Variants in CELF2 observed in about 807,000 individuals in gnomAD.
CELF2 encodes the protein CUGBP Elav-like family member 2.
In CELF2, 8 loss-of-function variants were observed where a neutral mutation model predicts 62.6. The ratio of observed to expected loss-of-function variants is 0.13; its 90% CI spans 0.07 to 0.23. The LOEUF (loss-of-function observed/expected upper bound fraction) is 0.23, where lower values mean the gene tolerates loss of function less well. CELF2 is among the 10% of genes least tolerant of loss of function. The probability of loss-of-function intolerance (pLI) is 1.00; values close to 1 mark genes in which losing one functional copy is unlikely to be tolerated. For synonymous variants in CELF2, 258 were observed against 250.0 expected (o/e 1.03, Z -0.30); for missense variants, 333 against 671.0 (o/e 0.50, Z 5.56).
intron 11 of CELF2, among the ~76,000 whole-genome samples, chr10:11,323,199 C>G (rs1239997362): frequency 6.6e-6 from 1 of 151,992 alleles, no homozygotes; most frequent in Non-Finnish European, 1.5e-5. Context: ...TAAAATTGCC[C>G]AAAATAACCA....
chr10:11,210,992 G>A (rs2061648331), intron 2 of CELF2, among the ~76,000 whole-genome samples: 1 of 152,190 alleles, frequency 6.6e-6, no homozygotes, highest in Non-Finnish European at 1.5e-5. Flanking sequence ...TTTTAAAACT[G>A]CGTCAGCCAT....
chr10:10,914,828 T>C (rs1386000240), intron 1 of CELF2, among the ~76,000 whole-genome samples: 2 of 152,276 alleles, frequency 1.3e-5, no homozygotes, highest in African/African-American at 4.8e-5. Flanking sequence ...CTTGTTTTCA[T>C]TCAATTTTTA....
chr10:11,134,103 C>G (rs1000115980), intron 1 of CELF2, among the ~76,000 whole-genome samples: 6 of 152,156 alleles, frequency 3.9e-5, no homozygotes, highest in African/African-American at 9.7e-5. Flanking sequence ...TAATTATACT[C>G]TTCTAAAGAG....
chr10:11,295,014 AAG>A (rs2092993356), intron 9 of CELF2, among the ~76,000 whole-genome samples: 1 of 152,218 alleles, frequency 6.6e-6, no homozygotes, highest in Non-Finnish European at 1.5e-5. Flanking sequence ...CTGCAGTAGA[AAG>A]AGCACTGACC....
At chr10:10,546,786 T>A in the CELF2 span, among the ~76,000 whole-genome samples, 2 of 152,238 alleles carry the variant, frequency 1.3e-5, no homozygotes, top group East Asian at 1.9e-4. Flanking sequence ...CTTTTTTTTT[T>A]TCTTTTTTTC....
intron 2 of CELF2, among the ~76,000 whole-genome samples, chr10:10,974,291 A>T (rs1325715297): frequency 1.3e-5 from 2 of 152,228 alleles, no homozygotes; most frequent in Non-Finnish European, 2.9e-5. Flanking sequence ...GCAGATCAAC[A>T]TATATAAAAG....
At chr10:11,102,264 G>C (rs1338862441) in intron 1 of CELF2, 3 of 152,236 alleles carry the variant, frequency 2.0e-5, no homozygotes, top group Admixed American at 2.0e-4. Flanking sequence ...TAGGACTTCA[G>C]TGGATTTCAA....
At chr10:11,292,169 C>G (rs1028245027) in intron 9 of CELF2, among the ~76,000 whole-genome samples, 1 of 152,162 alleles carries the variant, frequency 6.6e-6, no homozygotes, top group African/African-American at 2.4e-5. Context: ...GTATTTTCCC[C>G]ATCTTCAAGG....
At chr10:10,674,799 T>C in the CELF2 span, among the ~76,000 whole-genome samples, 1 of 151,786 alleles carries the variant, frequency 6.6e-6, no homozygotes, top group Non-Finnish European at 1.5e-5. Flanking sequence ...AGTGTGCCAC[T>C]TGTGTGAGTG....
intron 1 of CELF2, among the ~76,000 whole-genome samples, chr10:10,886,797 C>T (rs2061781357): frequency 6.6e-6 from 1 of 152,212 alleles, no homozygotes; most frequent in Non-Finnish European, 1.5e-5. Context: ...GATCACACCA[C>T]TGCACTCCAG....
At chr10:11,216,431 T>A (rs929653272) in intron 2 of CELF2, among the ~76,000 whole-genome samples, 1 of 152,228 alleles carries the variant, frequency 6.6e-6, no homozygotes, top group African/African-American at 2.4e-5. Flanking sequence ...ATCACTTTAC[T>A]TTTTTTCCTC....
the CELF2 span, among the ~76,000 whole-genome samples, chr10:10,640,821 C>T: frequency 6.7e-4 from 102 of 152,302 alleles, no homozygotes; most frequent in African/African-American, 2.3e-3. Flanking sequence ...TTTTATTTCT[C>T]ATCGTCCACT....
intron 9 of CELF2, among the ~76,000 whole-genome samples, chr10:11,303,922 G>T (rs2093988660): frequency 6.6e-6 from 1 of 152,160 alleles, no homozygotes; most frequent in South Asian, 2.1e-4. Context: ...GACTTAATAG[G>T]CTAAGGCATG....
At chr10:11,113,787 G>A (rs1270464398) in intron 1 of CELF2, among the ~76,000 whole-genome samples, 2 of 152,142 alleles carry the variant, frequency 1.3e-5, no homozygotes, top group Non-Finnish European at 2.9e-5. Context: ...AGTCTCCTCT[G>A]TGCAGCCAGC....
chr10:11,079,788 A>G (rs367843205), intron 1 of CELF2, among the ~76,000 whole-genome samples: 76 of 145,992 alleles, frequency 5.2e-4, no homozygotes, highest in African/African-American at 1.9e-3. Flanking sequence ...TCAAGATGAA[A>G]AGAGAAGTTG....
the CELF2 span, among the ~76,000 whole-genome samples, chr10:10,713,631 C>T: frequency 0.083 from 12,688 of 152,264 alleles, 1,451 homozygotes; most frequent in African/African-American, 0.26. Flanking sequence ...TTCTGGTATG[C>T]CATGCAATTC....
At chr10:10,667,063 A>T in the CELF2 span, among the ~76,000 whole-genome samples, 1 of 152,144 alleles carries the variant, frequency 6.6e-6, no homozygotes, top group Non-Finnish European at 1.5e-5. Context: ...GAATAATAGA[A>T]GAAAAAATGA....
Position 10,927,996 on chromosome 10 carries a change from G to A in CELF2, c.89+7997G>A, listed in dbSNP as rs571293428. Among the ~76,000 whole-genome samples the A allele has an allele frequency of 1.6e-4, 25 of 152,180 alleles. No homozygotes were observed. The East Asian group carries it at 4.8e-3, about 29-fold the overall frequency. On this transcript the variant is annotated intron_variant, in intron 2 of 13. Transcript: ENST00000636488. ...AGGGCTGCTTTCATCTACCTCTGCA[G>A]CCTCATCACCTGCTACTTTCTTTCT...
chr10:10,617,520 G>A, the CELF2 span, among the ~76,000 whole-genome samples: 1 of 152,078 alleles, frequency 6.6e-6, no homozygotes, highest in Admixed American at 6.5e-5. Context: ...AAAGAGGCAG[G>A]CTTAGAGAGG....
Sources: allele counts gnomAD v4.1 joint callset (sites outside exome capture counted in the v4.1 genomes callset), GRCh38; gene constraint gnomAD v4.1.1; transcripts MANE v1.5; gene names NCBI Gene and HGNC (gene_info 2026-07-23, HGNC 2026-07-21).